TASP1: variants seen among roughly 807,000 people sequenced by gnomAD.
The protein encoded by TASP1 is taspase 1, also known as threonine aspartase 1.
TASP1 carries 16 observed loss-of-function variants against 56.6 expected under a neutral mutation model. The observed-to-expected ratio is 0.28, with a 90% CI of 0.19 to 0.43. TASP1 has a LOEUF of 0.43. Ranked by LOEUF, TASP1 falls within the 20% of genes least tolerant of loss-of-function variation. TASP1 has a pLI of 1.00. For synonymous variants in TASP1, 179 were observed against 184.2 expected (o/e 0.97, Z 0.23); for missense variants, 393 against 511.6 (o/e 0.77, Z 2.24).
chr20:13,431,344 A>C (rs993937113), intron 12 of TASP1, among the ~76,000 whole-genome samples: 4 of 152,166 alleles, frequency 2.6e-5, no homozygotes, highest in African/African-American at 9.6e-5. Context: ...AGAAAGGAGA[A>C]TCCACTTGAT....
chr20:13,346,912 A>G, the TASP1 span, among the ~76,000 whole-genome samples: 1 of 152,256 alleles, frequency 6.6e-6, no homozygotes, highest in South Asian at 2.1e-4. Context: ...CTGCCTGTGC[A>G]ATCTTAACCA....
intron 11 of TASP1, among the ~76,000 whole-genome samples, chr20:13,450,924 T>C (rs2146291052): frequency 6.6e-6 from 1 of 152,236 alleles, no homozygotes; most frequent in African/African-American, 2.4e-5. Context: ...ATCAGAAGAA[T>C]CACTATCTAT....
the TASP1 span, among the ~76,000 whole-genome samples, chr20:13,129,181 T>C: frequency 6.6e-6 from 1 of 152,138 alleles, no homozygotes; most frequent in South Asian, 2.1e-4. Flanking sequence ...TTTGTATTTG[T>C]AGTCGAGACG....
the TASP1 span, among the ~76,000 whole-genome samples, chr20:13,364,392 C>T: frequency 4.9e-4 from 75 of 152,110 alleles, no homozygotes; most frequent in South Asian, 0.014. Flanking sequence ...CAGTGAATTG[C>T]GGTCAGGAAG....
the TASP1 span, among the ~76,000 whole-genome samples, chr20:13,162,359 C>G: frequency 6.6e-6 from 1 of 152,152 alleles, no homozygotes; most frequent in African/African-American, 2.4e-5. Flanking sequence ...ATTCTCTTCA[C>G]AACTTCTTAA....
At chr20:13,379,265 G>A in the TASP1 span, among the ~76,000 whole-genome samples, 1 of 152,142 alleles carries the variant, frequency 6.6e-6, no homozygotes, top group Non-Finnish European at 1.5e-5. Context: ...TGTAAGGCAG[G>A]CCTGGTGGTG....
chr20:13,615,420 TCATTATTCTAACACTTAGGTAATGAACA>T (rs913711275), intron 4 of TASP1, among the ~76,000 whole-genome samples: 1 of 152,072 alleles, frequency 6.6e-6, no homozygotes, highest in African/African-American at 2.4e-5. Context: ...GTACAATCCT[TCATTATTCTAACACTTAGGTAATGAACA>T]CATGAAAGAA....
chr20:13,322,032 G>A, the TASP1 span, among the ~76,000 whole-genome samples: 1 of 152,198 alleles, frequency 6.6e-6, no homozygotes, highest in East Asian at 1.9e-4. Context: ...TATGGAAATT[G>A]TGCATGTGTA....
At chr20:13,450,015 A>G (rs973476537) in intron 11 of TASP1, among the ~76,000 whole-genome samples, 7 of 152,122 alleles carry the variant, frequency 4.6e-5, no homozygotes, top group Admixed American at 2.6e-4. Flanking sequence ...ACTTCAATAG[A>G]GCAAATAACA....
chr20:13,326,992 T>C, the TASP1 span, among the ~76,000 whole-genome samples: 75 of 152,252 alleles, frequency 4.9e-4, 1 homozygote, highest in Admixed American at 2.2e-3. Context: ...AAATAAAGCA[T>C]ATGCGAATAG....
chr20:13,524,151 T>G (rs76087542), intron 10 of TASP1, among the ~76,000 whole-genome samples: 1 of 143,050 alleles, frequency 7.0e-6, no homozygotes, highest in Admixed American at 7.0e-5. Context: ...AGACTTTGTC[T>G]TTTTTTTTTT....
At chr20:13,576,342 G>GAAGGAAGAAAGA (rs1555793515) in intron 6 of TASP1, among the ~76,000 whole-genome samples, 2 of 131,650 alleles carry the variant, frequency 1.5e-5, no homozygotes, top group African/African-American at 2.9e-5. Flanking sequence ...AGAAAGAAAG[G>GAAGGAAGAAAGA]AAGAAAGAAA....
At chr20:13,479,463 C>CTTT (rs777068211) in intron 11 of TASP1, among the ~76,000 whole-genome samples, 2 of 141,782 alleles carry the variant, frequency 1.4e-5, no homozygotes, top group Admixed American at 7.1e-5. Context: ...TGATTTACAA[C>CTTT]TTTTTTTTTT....
the TASP1 span, chr20:13,110,222 G>A: frequency 6.2e-7 from 1 of 1,611,058 alleles, no homozygotes. Flanking sequence ...CTACAGGTAT[G>A]TAAATAACAG....
intron 13 of TASP1, among the ~76,000 whole-genome samples, chr20:13,398,204 A>C (rs1261097755): frequency 6.6e-6 from 1 of 152,106 alleles, no homozygotes; most frequent in Non-Finnish European, 1.5e-5. Flanking sequence ...GGAGGGGAAA[A>C]ATACAAACCA....
chr20:13,463,942 G>C (rs2044153157), intron 11 of TASP1, among the ~76,000 whole-genome samples: 1 of 152,110 alleles, frequency 6.6e-6, no homozygotes, highest in African/African-American at 2.4e-5. Context: ...CAGTATAGCA[G>C]TTCCTCAAAA....
At chr20:13,324,024 GACA>G in the TASP1 span, among the ~76,000 whole-genome samples, 1 of 152,176 alleles carries the variant, frequency 6.6e-6, no homozygotes, top group East Asian at 1.9e-4. Flanking sequence ...TTCCTATAAG[GACA>G]ACAACTTGCA....
the TASP1 span, chr20:13,164,806 G>T: frequency 1.9e-6 from 3 of 1,613,754 alleles, no homozygotes; most frequent in South Asian, 3.3e-5. Flanking sequence ...AAATATTCCC[G>T]GCACAAGAAG....
the TASP1 span, among the ~76,000 whole-genome samples, chr20:13,203,858 A>G: frequency 2.0e-4 from 30 of 152,350 alleles, no homozygotes; most frequent in Non-Finnish European, 4.1e-4. Context: ...GCTGATTCAG[A>G]GTAAGAAATG....
Sources: gnomAD v4.1 joint callset for allele counts (sites outside exome capture counted in the v4.1 genomes callset) on GRCh38, gnomAD v4.1.1 for gene constraint, MANE v1.5 for transcripts, NCBI Gene and HGNC (gene_info 2026-07-23, HGNC 2026-07-21) for gene names.